Variants in TNKS observed in about 807,000 individuals in gnomAD.
TNKS encodes the protein poly [ADP-ribose] polymerase tankyrase-1.
In TNKS, 72 loss-of-function variants were observed where a neutral mutation model predicts 135.8. The observed-to-expected ratio is 0.53, with a 90% CI of 0.44 to 0.64. The LOEUF is 0.64. TNKS is among the 30% of genes least tolerant of loss of function. The pLI is 0.00. For synonymous variants in TNKS, 849 were observed against 649.3 expected (o/e 1.31, Z -4.68); for missense variants, 1,769 against 1,674.0 (o/e 1.06, Z -0.99).
At chr8:9,719,827 C>A (rs1804787549) in intron 11 of TNKS, among the ~76,000 whole-genome samples, 1 of 152,120 alleles carries the variant, frequency 6.6e-6, no homozygotes. Context: ...CTCTTCAAAG[C>A]TTTAAAAAGG....
At chr8:9,660,283 G>A (rs949515457) in intron 3 of TNKS, among the ~76,000 whole-genome samples, 23 of 152,074 alleles carry the variant, frequency 1.5e-4, no homozygotes, top group African/African-American at 5.3e-4. Flanking sequence ...AGACACAGCA[G>A]AAAAAGAGAA....
chr8:9,654,682 T>G (rs767745168), intron 3 of TNKS, among the ~76,000 whole-genome samples: 22 of 152,238 alleles, frequency 1.4e-4, no homozygotes, highest in Non-Finnish European at 2.9e-4. Flanking sequence ...ATTTCATGTA[T>G]CTTAGAATTA....
rs746101645 is a variant in TNKS at position 9,748,128 on chromosome 8, G to T, written c.2748G>T (p.Thr916=). Residue 916 remains threonine, a synonymous_variant, in exon 18 of 27, where the codon ACG becomes ACT. Coordinates refer to ENST00000310430, the MANE Select transcript of TNKS (RefSeq NM_003747.3). ...ATGAAGCAGCCCAGAAAGGAAGGAC[G>T]CAGCTGTGCGCCCTCCTCCTAGCGC... ...PLHEAAQKGR[T]QLCALLLAHG... is the part of the protein sequence containing the mutation. The T allele has an allele frequency of 3.7e-6, 6 of 1,614,150 alleles. No homozygotes were observed. In the East Asian group the frequency reaches 6.7e-5, roughly 18 times the overall value.
chr8:9,736,255 C>T (rs942765731), intron 17 of TNKS, among the ~76,000 whole-genome samples: 15 of 150,202 alleles, frequency 1.0e-4, no homozygotes, highest in South Asian at 4.2e-4. Context: ...CAGTGGCATG[C>T]GCCTGTAATC....
intron 2 of TNKS, among the ~76,000 whole-genome samples, chr8:9,585,421 A>G (rs1424291971): frequency 6.6e-6 from 1 of 152,204 alleles, no homozygotes; most frequent in Non-Finnish European, 1.5e-5. Flanking sequence ...AGAGAAACCT[A>G]TCTTGAGATT....
rs1238812683 is a variant in TNKS, at chr8:9,598,785, A to G, written c.899-16797A>G. On this transcript the variant is annotated intron_variant, in intron 2 of 26. Coordinates refer to ENST00000310430, the MANE Select transcript of TNKS (RefSeq NM_003747.3). The stretch of plus-strand genomic sequence containing the variant: ...TGTGTGTATATATATATATATATAT[A>G]TATATATATATATATATATATATAT... Among the ~76,000 whole-genome samples, 320 of 72,878 alleles carry G rather than the reference A, an allele frequency of 4.4e-3. 6 individuals carry two copies. The highest frequency in any genetic ancestry group is 9.7e-3 in the African/African-American group (170 of 17,606). The allele number at this position is 72,878 out of a possible 152,430, so 47.8% of individuals were successfully genotyped here.
intron 20 of TNKS, among the ~76,000 whole-genome samples, chr8:9,755,263 C>T (rs994588795): frequency 2.0e-5 from 3 of 152,314 alleles, no homozygotes; most frequent in Admixed American, 1.3e-4. Flanking sequence ...CTCCTAGTCA[C>T]TCCTTCTGAC....
At chr8:9,704,351 G>T (rs532485776) in intron 5 of TNKS, among the ~76,000 whole-genome samples, 2 of 152,260 alleles carry the variant, frequency 1.3e-5, no homozygotes, top group South Asian at 2.1e-4. Context: ...GAGCCCTGGT[G>T]TGTCTTCTCA....
intron 7 of TNKS, 34 bp downstream of exon 7, chr8:9,706,287 C>CTTT: frequency 1.1e-5 from 11 of 1,027,058 alleles, no homozygotes; most frequent in East Asian, 3.3e-5. Context: ...GCATCATTTA[C>CTTT]TTTTTTTTTT....
chr8:9,580,728 T>C (rs1008800740), intron 2 of TNKS, among the ~76,000 whole-genome samples: 10 of 152,152 alleles, frequency 6.6e-5, no homozygotes, highest in African/African-American at 2.4e-4. Context: ...TTCTACTGAG[T>C]TGGATGACAT....
chr8:9,587,480 A>C (rs1050412045), intron 2 of TNKS, among the ~76,000 whole-genome samples: 3 of 151,640 alleles, frequency 2.0e-5, no homozygotes, highest in African/African-American at 4.9e-5. Flanking sequence ...GCTCACTGTA[A>C]GCTCGGCCTC....
rs904595914 is a variant in TNKS at position 9,575,111 on chromosome 8, G to T, written c.674-5048G>T. The T allele has an allele frequency of 2.2e-5, 21 of 975,844 alleles. No homozygotes were observed. The African/African-American group carries it at 3.3e-4, about 15-fold the overall frequency. 60.4% of individuals were successfully genotyped at this position (975,844 alleles called of 1,614,324 possible). On this transcript the variant is annotated intron_variant, in intron 1 of 26. Transcript: ENST00000310430. Reference sequence around the variant, plus strand: ...TATCTTTTTATTTTCTTTTGACACGGAGTCTCGCTCTGTTGCCCAGGCTGG... The same window carrying T: ...TATCTTTTTATTTTCTTTTGACACGTAGTCTCGCTCTGTTGCCCAGGCTGG...
At chr8:9,703,308 T>C (rs781660531) in intron 5 of TNKS, among the ~76,000 whole-genome samples, 17 of 152,296 alleles carry the variant, frequency 1.1e-4, no homozygotes, top group Middle Eastern at 3.4e-3. Flanking sequence ...TTAAAACTTA[T>C]CAATTGTTTG....
chr8:9,575,110 G>A, intron 1 of TNKS: 4 of 974,574 alleles, frequency 4.1e-6, no homozygotes, highest in South Asian at 4.8e-5. Context: ...CTTTTGACAC[G>A]GAGTCTCGCT....
chr8:9,747,954 AG>A, intron 17 of TNKS, 69 bp from the exon 18 acceptor site: 1 of 1,360,622 alleles, frequency 7.3e-7, no homozygotes, highest in Non-Finnish European at 9.9e-7. Context: ...AAATAAAAAC[AG>A]GTATACACAA....
intron 3 of TNKS, among the ~76,000 whole-genome samples, chr8:9,650,664 T>C (rs1801114772): frequency 6.6e-6 from 1 of 151,940 alleles, no homozygotes; most frequent in African/African-American, 2.4e-5. Flanking sequence ...ATGGGGTTGG[T>C]TTTTTTTCTT....
rs1218574592 is a variant in TNKS, at chr8:9,761,569, C to T, written c.3207C>T (p.Gly1069=). 5.0e-6 allele frequency: 8 copies of T among 1,610,636 alleles called. No homozygotes were observed. Among genetic ancestry groups the T allele is most frequent in the Non-Finnish European group, 6.8e-6 (8 of 1,179,120 alleles). The change falls in exon 21 of 27, where the codon GGC becomes GGT. Residue 1069 remains glycine (G), a synonymous_variant. Coordinates refer to ENST00000310430, the MANE Select transcript of TNKS (RefSeq NM_003747.3). ...DMGHEELKEI[G]INAYGHRHKL... is the part of the protein sequence containing the mutation. ...GTCATGAAGAGTTGAAAGAAATAGG[C>T]ATCAATGCATATGGGCACCGCCACA... is the stretch of plus-strand genomic sequence containing the variant.
At position 9,628,239 on chromosome 8, in the gene TNKS, G is replaced by C. The variant is rs887588443; in HGVS notation, c.994+12562G>C. On this transcript the variant is annotated intron_variant, in intron 3 of 26. Transcript: ENST00000310430. ...TCACTTGTTTTTCTGCTTCCCTTTA[G>C]AGTATACGGAACTGCCCATGGTTGC... Among the ~76,000 whole-genome samples the C allele has an allele frequency of 4.9e-4, 75 of 152,038 alleles. 1 individual carries two copies. Among genetic ancestry groups the C allele is most frequent in the Admixed American group, 4.2e-3 (64 of 15,268 alleles).
chr8:9,765,744 AG>A lies in TNKS; in HGVS notation c.3502del (p.Glu1168LysfsTer37). On this transcript the variant is annotated frameshift_variant, in exon 24 of 27. Coordinates refer to ENST00000310430, the MANE Select transcript of TNKS (RefSeq NM_003747.3). LOFTEE classifies it high-confidence loss of function. Reference sequence around the variant, plus strand: ...AGGGAGCGGTTCTGCCACCGACAGAAGGAAGTGTCTGAGGAGAATCACAACC... The same window carrying A: ...AGGGAGCGGTTCTGCCACCGACAGAAGAAGTGTCTGAGGAGAATCACAACC... The part of the protein sequence containing the change: ...KLRERFCHRQ[K>X]EVSEENHNHH... 6.2e-7 allele frequency: 1 copy of A among 1,614,044 alleles called. No homozygotes were observed. Among genetic ancestry groups the A allele is most frequent in the Non-Finnish European group, 8.5e-7 (1 of 1,179,936 alleles).
Sources: allele counts gnomAD v4.1 joint callset (sites outside exome capture counted in the v4.1 genomes callset), GRCh38; gene constraint gnomAD v4.1.1; transcripts MANE v1.5; gene names NCBI Gene and HGNC (gene_info 2026-07-23, HGNC 2026-07-21).